Variants in RHBDD1 observed in about 807,000 individuals in gnomAD.
RHBDD1 encodes the protein rhomboid domain containing 1, also known as rhomboid-related protein 4.
In RHBDD1, 38 loss-of-function variants were observed where a neutral mutation model predicts 36.3. That is an observed-to-expected ratio of 1.05 (90% CI 0.81 to 1.37). The LOEUF (loss-of-function observed/expected upper bound fraction) is 1.37. Among genes scored for constraint, RHBDD1 ranks in the 40% most tolerant of loss-of-function variants. The probability of loss-of-function intolerance (pLI) is 0.00; values close to 1 mark genes in which losing one functional copy is unlikely to be tolerated. For missense variants in RHBDD1, 393 were observed against 377.6 expected, an observed-to-expected ratio of 1.04 and a Z score of -0.34; for synonymous variants, 151 against 136.5, an observed-to-expected ratio of 1.11 and a Z score of -0.74.
Position 226,853,628 on chromosome 2 carries a change from G to A in RHBDD1, c.-90-10976G>A, listed in dbSNP as rs536705106. Among the ~76,000 whole-genome samples, 5 of 152,186 alleles carry A rather than the reference G, an allele frequency of 3.3e-5. No individual in the cohort carries two copies. In the South Asian group the frequency reaches 6.2e-4, roughly 19 times the overall value. Reference sequence around the variant, plus strand: ...ATCTGTGTAATAAAGTGGAATTTCTGTCTGTCTTTCATGGTTTCACACCAA... The same window carrying A: ...ATCTGTGTAATAAAGTGGAATTTCTATCTGTCTTTCATGGTTTCACACCAA... On this transcript the variant is annotated intron_variant, in intron 3 of 8. Transcript: ENST00000392062.
At chr2:226,930,123 T>A (rs1185765365) in intron 8 of RHBDD1, among the ~76,000 whole-genome samples, 1 of 152,006 alleles carries the variant, frequency 6.6e-6, no homozygotes, top group Non-Finnish European at 1.5e-5. Context: ...CCTATCAAGA[T>A]ACTAACACTG....
intron 5 of RHBDD1, among the ~76,000 whole-genome samples, chr2:226,872,185 A>G (rs1423215567): frequency 6.6e-6 from 1 of 152,186 alleles, no homozygotes; most frequent in Non-Finnish European, 1.5e-5. Context: ...ATTTGGTTTT[A>G]TGGGTTCTCC....
At chr2:226,855,530 A>G (rs558671465) in intron 3 of RHBDD1, among the ~76,000 whole-genome samples, 7 of 152,352 alleles carry the variant, frequency 4.6e-5, no homozygotes, top group African/African-American at 1.7e-4. Flanking sequence ...TCTAGGTTTG[A>G]TAAATTAAAG....
intron 8 of RHBDD1, among the ~76,000 whole-genome samples, chr2:226,992,170 G>C (rs545219427): frequency 6.6e-6 from 1 of 152,208 alleles, no homozygotes; most frequent in African/African-American, 2.4e-5. Context: ...TGAATGCAAA[G>C]GTGGGGAAGT....
the RHBDD1 span, among the ~76,000 whole-genome samples, chr2:226,815,887 T>G: frequency 2.0e-5 from 3 of 152,064 alleles, no homozygotes; most frequent in Non-Finnish European, 4.4e-5. Flanking sequence ...AACATATTCA[T>G]GGATCCTTTA....
intron 7 of RHBDD1, among the ~76,000 whole-genome samples, chr2:226,913,601 C>T (rs1948677408): frequency 6.6e-6 from 1 of 152,056 alleles, no homozygotes; most frequent in Non-Finnish European, 1.5e-5. Flanking sequence ...TCTCTTCTCT[C>T]TTGTTTTATC....
intron 5 of RHBDD1, among the ~76,000 whole-genome samples, chr2:226,900,680 C>T (rs1009003483): frequency 1.3e-5 from 2 of 152,164 alleles, no homozygotes; most frequent in African/African-American, 4.8e-5. Context: ...CCTGCTAAAA[C>T]AAGTATTAAC....
chr2:226,948,549 C>A (rs2149203444), intron 8 of RHBDD1, among the ~76,000 whole-genome samples: 1 of 85,108 alleles, frequency 1.2e-5, no homozygotes. Context: ...CACATGTACC[C>A]TAAAACTTAA....
At chr2:226,913,620 A>ATT (rs759356445) in intron 7 of RHBDD1, among the ~76,000 whole-genome samples, 1 of 150,622 alleles carries the variant, frequency 6.6e-6, no homozygotes, top group Non-Finnish European at 1.5e-5. Flanking sequence ...TCTAGCAACC[A>ATT]TTTTTTTTTG....
chr2:226,818,716 G>A, the RHBDD1 span, among the ~76,000 whole-genome samples: 1 of 151,794 alleles, frequency 6.6e-6, no homozygotes, highest in African/African-American at 2.4e-5. Context: ...GCGGGCACCT[G>A]TAATCCTAGC....
chr2:226,974,125 A>G (rs527982887), intron 8 of RHBDD1, among the ~76,000 whole-genome samples: 108 of 152,344 alleles, frequency 7.1e-4, no homozygotes, highest in African/African-American at 2.4e-3. Context: ...CTTCAAAGAA[A>G]TAATTAGCAT....
intron 3 of RHBDD1, among the ~76,000 whole-genome samples, chr2:226,847,063 G>C (rs1942305124): frequency 6.6e-6 from 1 of 152,206 alleles, no homozygotes; most frequent in East Asian, 1.9e-4. Flanking sequence ...GTAACTGATA[G>C]ATGTTTGAAA....
intron 3 of RHBDD1, among the ~76,000 whole-genome samples, chr2:226,841,935 TC>T (rs1358374309): frequency 6.6e-6 from 1 of 152,228 alleles, no homozygotes; most frequent in Non-Finnish European, 1.5e-5. Flanking sequence ...CATTCTGTTT[TC>T]CCTGCAACCT....
At position 226,947,823 on chromosome 2, in the gene RHBDD1, T is replaced by G. The variant is rs199804521; in HGVS notation, c.856+33472T>G. Among the ~76,000 whole-genome samples the G allele has an allele frequency of 1.5e-4, 23 of 152,210 alleles. No homozygotes were observed. The East Asian group carries it at 3.3e-3, about 22-fold the overall frequency. Reference sequence around the variant, plus strand: ...CAAAAAACACATGAAAAAATGCTCATCATCACTGGCCATCAGAGAAATGCA... The same window carrying G: ...CAAAAAACACATGAAAAAATGCTCAGCATCACTGGCCATCAGAGAAATGCA... On this transcript the variant is annotated intron_variant, in intron 8 of 8. Transcript: ENST00000392062.
intron 8 of RHBDD1, among the ~76,000 whole-genome samples, chr2:226,988,930 G>A (rs1418792512): frequency 6.6e-6 from 1 of 152,206 alleles, no homozygotes; most frequent in Non-Finnish European, 1.5e-5. Context: ...ACTATTTGCA[G>A]TGAGCCTTAT....
intron 3 of RHBDD1, among the ~76,000 whole-genome samples, chr2:226,847,731 A>C (rs932670695): frequency 3.9e-5 from 6 of 152,232 alleles, no homozygotes; most frequent in African/African-American, 1.4e-4. Context: ...TCATTCTACA[A>C]AGGCAAAATG....
chr2:226,979,926 T>A (rs1955354030), intron 8 of RHBDD1, among the ~76,000 whole-genome samples: 1 of 152,070 alleles, frequency 6.6e-6, no homozygotes, highest in South Asian at 2.1e-4. Flanking sequence ...AATGGACAAA[T>A]TTGGGAATGT....
chr2:226,813,829 C>T, the RHBDD1 span, among the ~76,000 whole-genome samples: 1 of 152,128 alleles, frequency 6.6e-6, no homozygotes, highest in Admixed American at 6.5e-5. Flanking sequence ...ATGTCCCCCA[C>T]CCATTAATAC....
chr2:226,811,390 G>T, the RHBDD1 span, among the ~76,000 whole-genome samples: 8 of 152,120 alleles, frequency 5.3e-5, no homozygotes, highest in East Asian at 1.2e-3. Flanking sequence ...CAACCTCCGC[G>T]TCCCGGGTCC....
Sources: allele counts gnomAD v4.1 joint callset (sites outside exome capture counted in the v4.1 genomes callset), GRCh38; gene constraint gnomAD v4.1.1; transcripts MANE v1.5; gene names NCBI Gene and HGNC (gene_info 2026-07-23, HGNC 2026-07-21).